LRIG3: variants seen among roughly 807,000 people sequenced by gnomAD.
LRIG3 encodes leucine-rich repeats and immunoglobulin-like domains protein 3.
A neutral mutation model predicts 114.5 loss-of-function variants in LRIG3; 76 were observed. The observed-to-expected ratio is 0.66, with a 90% CI of 0.55 to 0.80. The LOEUF (loss-of-function observed/expected upper bound fraction) is 0.80, where lower values mean the gene tolerates loss of function less well. Ranked by LOEUF, LRIG3 falls within the 30% of genes least tolerant of loss-of-function variation. LRIG3 has a pLI of 0.00. For missense variants in LRIG3, 1,239 were observed against 1,382.8 expected (o/e 0.90, Z 1.65); for synonymous variants, 512 against 519.8 (o/e 0.98, Z 0.20).
At position 58,876,497 on chromosome 12, in the gene LRIG3, CTGG is replaced by C. The variant is rs530909599; in HGVS notation, c.2640_2642del (p.His880del). ...ATCCAGCACCTGAAGATGTGACAAA[CTGG>C]TGGTGGCTTCCACTTTCTGAAGACA... On this transcript the variant is annotated inframe_deletion, in exon 16 of 19. Transcript: ENST00000320743. 1,461 of 1,614,154 alleles carry C rather than the reference CTGG, an allele frequency of 9.1e-4. 14 individuals carry two copies. The African/African-American group carries it at 0.018, about 19-fold the overall frequency.
intron 12 of LRIG3, 117 bp from the exon 13 acceptor site, chr12:58,881,018 A>G: frequency 2.1e-6 from 2 of 959,314 alleles, no homozygotes; most frequent in Non-Finnish European, 3.2e-6. Context: ...CCCTTTGTGT[A>G]TGTTTTCCAG....
rs1025903325 is a variant in LRIG3, at chr12:58,872,407, T to C, written c.*165A>G. 4 of 647,298 alleles carry C rather than the reference T, an allele frequency of 6.2e-6. No homozygotes were observed. The highest frequency in any genetic ancestry group is 6.8e-6 in the Non-Finnish European group (3 of 438,830). The allele number at this position is 647,298 out of a possible 1,614,324, so 40.1% of individuals were successfully genotyped here. ...TCTTATATGAGCATCATTCCCAGTA[T>C]AAAAATTTTCATAACTTTTTGTAAT... On this transcript the variant is annotated 3_prime_UTR_variant, in exon 19 of 19. Coordinates refer to ENST00000320743, the MANE Select transcript of LRIG3 (RefSeq NM_153377.5).
Position 58,878,872 on chromosome 12 carries a change from G to A in LRIG3, c.2035C>T (p.Gln679Ter). ...EDIGVYSCTA[Q>*]NSAGSISANA... Reference sequence around the variant, plus strand: ...GCTGAAATACTTCCTGCACTGTTCTGAGCTGTGCAGCTGTATACCCCAATG... The same window carrying A: ...GCTGAAATACTTCCTGCACTGTTCTAAGCTGTGCAGCTGTATACCCCAATG... Residue 679 changes from glutamine to a stop codon, truncating the protein, a stop_gained, in exon 14 of 19, where the codon CAG becomes TAG. Transcript: ENST00000320743. LOFTEE classifies it high-confidence loss of function. 7 of 1,614,174 alleles carry A rather than the reference G, an allele frequency of 4.3e-6. No individual in the cohort carries two copies. The highest frequency in any genetic ancestry group is 5.9e-6 in the Non-Finnish European group (7 of 1,180,028).
intron 3 of LRIG3, among the ~76,000 whole-genome samples, chr12:58,892,292 C>T (rs142868431): frequency 1.3e-5 from 2 of 152,116 alleles, no homozygotes; most frequent in Non-Finnish European, 1.5e-5. Flanking sequence ...CTTTACAACG[C>T]GAGAAACAAT....
At chr12:58,889,935 G>C in intron 5 of LRIG3, 61 bp downstream of exon 5, 1 of 1,563,928 alleles carries the variant, frequency 6.4e-7, no homozygotes, top group Non-Finnish European at 8.7e-7. Flanking sequence ...AGATTTTAAG[G>C]AAAAGACACC....
At chr12:58,889,116 A>AT (rs1252170297) in intron 5 of LRIG3, among the ~76,000 whole-genome samples, 154 bp from the exon 6 acceptor site, 1 of 152,184 alleles carries the variant, frequency 6.6e-6, no homozygotes, top group Non-Finnish European at 1.5e-5. Context: ...AAGAATTTCA[A>AT]TTTGTTAAGC....
At chr12:58,878,711 T>C (rs1413152483) in intron 14 of LRIG3, 113 bp downstream of exon 14, 9 of 1,226,868 alleles carry the variant, frequency 7.3e-6, no homozygotes, top group East Asian at 7.1e-5. Flanking sequence ...GAAAAGGCAA[T>C]GCCCCATACA....
intron 3 of LRIG3, among the ~76,000 whole-genome samples, chr12:58,896,358 A>G (rs1410654478): frequency 2.0e-5 from 3 of 152,250 alleles, no homozygotes; most frequent in Non-Finnish European, 4.4e-5. Flanking sequence ...TTAAGTGGAT[A>G]TAAATGGTGT....
chr12:58,883,432 T>C, intron 11 of LRIG3, 88 bp downstream of exon 11: 1 of 919,218 alleles, frequency 1.1e-6, no homozygotes, highest in East Asian at 2.6e-5. Flanking sequence ...CCAGGCACTT[T>C]TTATAGATAC....
rs754696712 is a variant in LRIG3, at chr12:58,882,958, A to G, written c.1391T>C (p.Phe464Ser). The G allele has an allele frequency of 1.9e-6, 3 of 1,614,138 alleles. No homozygotes were observed. The highest frequency in any genetic ancestry group is 2.5e-6 in the Non-Finnish European group (3 of 1,180,000). The part of the protein sequence containing the change: ...WLPQWVAENN[F>S]QSFVNASCAH... The stretch of plus-strand genomic sequence containing the variant: ...ACAACTGGCATTTACAAAGCTCTGA[A>G]AGTTGTTTTCCGCCACCCACTGTGG... Residue 464 changes from phenylalanine to serine, a missense_variant, in exon 12 of 19, where the codon TTT becomes TCT. Physicochemically the swap from Phe to Ser is radical, Grantham distance 155. Coordinates refer to ENST00000320743, the MANE Select transcript of LRIG3 (RefSeq NM_153377.5).
At position 58,888,428 on chromosome 12, in the gene LRIG3, A is replaced by G. The variant is rs1302222712; in HGVS notation, c.848T>C (p.Leu283Pro). Residue 283 changes from leucine (L) to proline (P), a missense_variant, in exon 7 of 19, where the codon CTT (leucine) becomes CCT (proline). By Grantham distance (98) the Leu-to-Pro change is moderately conservative. Transcript: ENST00000320743. Reference sequence around the variant, plus strand: ...TTCCTGCAGCATCAGCAAGCCGTAAAGCCAGCCTTTGGTAATCTCTGTTAG... The same window carrying G: ...TTCCTGCAGCATCAGCAAGCCGTAAGGCCAGCCTTTGGTAATCTCTGTTAG... The part of the protein sequence containing the change: ...NNLTEITKGW[L>P]YGLLMLQELH... 6.2e-7 allele frequency: 1 copy of G among 1,613,944 alleles called. No individual in the cohort carries two copies. Among genetic ancestry groups the G allele is most frequent in the East Asian group, 2.2e-5 (1 of 44,884 alleles).
intron 3 of LRIG3, among the ~76,000 whole-genome samples, chr12:58,905,744 T>G (rs1872039790): frequency 6.6e-6 from 1 of 152,146 alleles, no homozygotes. Flanking sequence ...ACACCTGAGC[T>G]ATCGTGTTCA....
At chr12:58,903,449 T>G (rs1871943896) in intron 3 of LRIG3, among the ~76,000 whole-genome samples, 1 of 152,256 alleles carries the variant, frequency 6.6e-6, no homozygotes, top group African/African-American at 2.4e-5. Flanking sequence ...GAGTTCATTG[T>G]GGATTCTGGA....
At chr12:58,895,270 G>T (rs1871599192) in intron 3 of LRIG3, among the ~76,000 whole-genome samples, 1 of 152,164 alleles carries the variant, frequency 6.6e-6, no homozygotes, top group African/African-American at 2.4e-5. Flanking sequence ...GTCCAGTGTG[G>T]TAAGTGCAGC....
chr12:58,896,156 A>G (rs998652181), intron 3 of LRIG3, among the ~76,000 whole-genome samples: 3 of 152,222 alleles, frequency 2.0e-5, no homozygotes, highest in African/African-American at 4.8e-5. Context: ...ATTCTCACAT[A>G]TAAGAACTGT....
intron 12 of LRIG3, among the ~76,000 whole-genome samples, chr12:58,882,107 A>C (rs1307267594): frequency 6.6e-6 from 1 of 152,248 alleles, no homozygotes; most frequent in Non-Finnish European, 1.5e-5. Flanking sequence ...GTTTTAAGTA[A>C]ATTTTTAAAT....
chr12:58,879,987 G>C (rs1240368600), intron 13 of LRIG3, among the ~76,000 whole-genome samples: 1 of 152,110 alleles, frequency 6.6e-6, no homozygotes, highest in African/African-American at 2.4e-5. Context: ...ATACTACACT[G>C]TAAACTCTCA....
At chr12:58,889,101 T>C (rs1203209895) in intron 5 of LRIG3, 139 bp from the exon 6 acceptor site, 4 of 808,502 alleles carry the variant, frequency 4.9e-6, no homozygotes, top group Middle Eastern at 6.7e-4. Flanking sequence ...AACATTTTTA[T>C]TGCAAAGAAT....
chr12:58,888,855 T>G lies in LRIG3; in HGVS notation c.767A>C (p.Asp256Ala), dbSNP rs1248766127. The change falls in exon 6 of 19, where the codon GAT (aspartate) becomes GCT (alanine). Residue 256 changes from aspartate (D) to alanine (A), a missense_variant. Physicochemically the swap from Asp to Ala is moderately radical, Grantham distance 126 (BLOSUM62 -2). Transcript: ENST00000320743. ...GTTGCTCAGCCCCCAAAAAGCTCCA[T>G]CCATAAGTTTCGTTACTCCATTTCT... ...MQRNGVTKLM[D>A]GAFWGLSNME... The G allele has an allele frequency of 1.2e-6, 2 of 1,613,804 alleles. No individual in the cohort carries two copies. Among genetic ancestry groups the G allele is most frequent in the Admixed American group, 3.3e-5 (2 of 59,998 alleles).
Sources: gnomAD v4.1 joint callset for allele counts (sites outside exome capture counted in the v4.1 genomes callset) on GRCh38, gnomAD v4.1.1 for gene constraint, MANE v1.5 for transcripts, NCBI Gene and HGNC (gene_info 2026-07-23, HGNC 2026-07-21) for gene names.